The following PEPD variants were observed in gnomAD, a reference collection of about 807,000 sequenced individuals.
PEPD encodes peptidase D.
A neutral mutation model predicts 60.7 loss-of-function variants in PEPD; 53 were observed. That is an observed-to-expected ratio of 0.87 (90% CI 0.70 to 1.10). The LOEUF (loss-of-function observed/expected upper bound fraction) is 1.10, where lower values mean the gene tolerates loss of function less well. Ranked by LOEUF, PEPD falls within the 50% of genes least tolerant of loss-of-function variation. The pLI is 0.00. For synonymous variants in PEPD, 267 were observed against 284.1 expected, an observed-to-expected ratio of 0.94 and a Z score of 0.60; for missense variants, 711 against 711.9, an observed-to-expected ratio of 1.00 and a Z score of 0.01.
At chr19:33,418,567 A>G (rs1968940316) in intron 9 of PEPD, among the ~76,000 whole-genome samples, 1 of 152,100 alleles carries the variant, frequency 6.6e-6, no homozygotes. Flanking sequence ...GGGTCATCAG[A>G]AGGCACAGGC....
rs554357389 is a variant in PEPD, at chr19:33,435,550, C to G, written c.672-21907G>C. ...GGACAACAGCCCCTCCAGAACCAAC[C>G]CCCCTCGTTCGGTCCCAGCAGGGCC... On this transcript the variant is annotated intron_variant, in intron 9 of 14. Transcript: ENST00000244137. Among the ~76,000 whole-genome samples the G allele has an allele frequency of 2.0e-5, 3 of 152,322 alleles. No homozygotes were observed. The South Asian group carries it at 6.2e-4, about 32-fold the overall frequency.
At chr19:33,481,514 C>T (rs138612588) in intron 6 of PEPD, among the ~76,000 whole-genome samples, 1,529 of 151,896 alleles carry the variant, frequency 0.01, 20 homozygotes, top group African/African-American at 0.035. Context: ...TGCAGTGAGC[C>T]GAGATCGTGC....
chr19:33,512,386 T>C (rs1970943106), intron 2 of PEPD, among the ~76,000 whole-genome samples: 1 of 152,200 alleles, frequency 6.6e-6, no homozygotes, highest in South Asian at 2.1e-4. Context: ...ATGGCCAGGC[T>C]GGTTTCCTGC....
rs1600137265 is a variant in PEPD at position 33,464,130 on chromosome 19, G to C, written c.549-68C>G. ...GGAGGCACTGGCTGGACCCCTCCAG[G>C]GAGAGCTCAGGGCCTACCACACCCT... On this transcript the variant is annotated intron_variant, in intron 7 of 14. Transcript: ENST00000244137. 8.0e-6 allele frequency: 9 copies of C among 1,126,482 alleles called. No individual in the cohort carries two copies. In the East Asian group the frequency reaches 2.1e-4, roughly 27 times the overall value. The allele number at this position is 1,126,482 out of a possible 1,614,324, so 69.8% of individuals were successfully genotyped here.
chr19:33,431,341 AC>A (rs1359265432), intron 9 of PEPD, among the ~76,000 whole-genome samples: 1 of 152,110 alleles, frequency 6.6e-6, no homozygotes, highest in Non-Finnish European at 1.5e-5. Context: ...GGTTGAAATC[AC>A]CCAAAATCTG....
At chr19:33,413,758 C>G in intron 9 of PEPD, 115 bp from the exon 10 acceptor site, 3 of 689,162 alleles carry the variant, frequency 4.4e-6, no homozygotes, top group Non-Finnish European at 7.9e-6. Context: ...TGCCGTGGCC[C>G]CACAATGGTC....
At chr19:33,467,974 G>A (rs1323390518) in intron 7 of PEPD, among the ~76,000 whole-genome samples, 1 of 152,160 alleles carries the variant, frequency 6.6e-6, no homozygotes, top group Non-Finnish European at 1.5e-5. Context: ...CAGAGACCAT[G>A]GAGAGACGGA....
chr19:33,444,086 C>T (rs1969544183), intron 9 of PEPD, among the ~76,000 whole-genome samples: 1 of 152,192 alleles, frequency 6.6e-6, no homozygotes, highest in East Asian at 1.9e-4. Context: ...CGCACACATA[C>T]AAAGTGTGTC....
At chr19:33,521,681 G>A (rs1276333376) in intron 1 of PEPD, 63 bp downstream of exon 1, 3 of 1,527,812 alleles carry the variant, frequency 2.0e-6, no homozygotes, top group Admixed American at 3.8e-5. Flanking sequence ...CCCGCGGTCC[G>A]GCCGGGACAC....
chr19:33,517,966 A>G (rs1971055370), intron 1 of PEPD, among the ~76,000 whole-genome samples: 1 of 151,892 alleles, frequency 6.6e-6, no homozygotes, highest in South Asian at 2.1e-4. Flanking sequence ...AAAAAAAAAA[A>G]AAAATGAAAT....
intron 9 of PEPD, among the ~76,000 whole-genome samples, chr19:33,427,999 C>T (rs1969187012): frequency 6.6e-6 from 1 of 152,084 alleles, no homozygotes; most frequent in Non-Finnish European, 1.5e-5. Context: ...TGGCAAAGCA[C>T]TGGCTCTGGG....
At chr19:33,512,495 C>A in intron 2 of PEPD, 98 bp downstream of exon 2, 1 of 1,175,784 alleles carries the variant, frequency 8.5e-7, no homozygotes. Context: ...GGGAGGGCCA[C>A]AAGGGGCAGC....
chr19:33,408,818 T>C (rs975090585), intron 11 of PEPD, among the ~76,000 whole-genome samples: 6 of 152,226 alleles, frequency 3.9e-5, no homozygotes, highest in Non-Finnish European at 8.8e-5. Flanking sequence ...GACTGATTTA[T>C]TATTTACCGA....
intron 9 of PEPD, among the ~76,000 whole-genome samples, chr19:33,428,218 G>A (rs973171144): frequency 1.2e-4 from 18 of 152,226 alleles, no homozygotes; most frequent in African/African-American, 4.3e-4. Context: ...AGGGCTTGGA[G>A]GATGCAGAAG....
At chr19:33,514,377 C>T (rs1356085501) in intron 1 of PEPD, among the ~76,000 whole-genome samples, 2 of 152,000 alleles carry the variant, frequency 1.3e-5, no homozygotes, top group African/African-American at 4.8e-5. Flanking sequence ...CCCTCAGAGG[C>T]CCTGACCCTC....
intron 10 of PEPD, 124 bp from the exon 11 acceptor site, chr19:33,411,873 C>A (rs535031199): frequency 7.0e-6 from 5 of 715,926 alleles, no homozygotes; most frequent in Middle Eastern, 3.1e-4. Context: ...CAGGCCCAGG[C>A]GTGGCTGGAC....
At chr19:33,509,709 T>TAATC in intron 3 of PEPD, among the ~76,000 whole-genome samples, 1 of 152,330 alleles carries the variant, frequency 6.6e-6, no homozygotes, top group East Asian at 1.9e-4. Flanking sequence ...TAGCCCAGAA[T>TAATC]AATCACTCTC....
chr19:33,488,327 G>A (rs1970434827), intron 6 of PEPD, among the ~76,000 whole-genome samples: 1 of 152,144 alleles, frequency 6.6e-6, no homozygotes, highest in African/African-American at 2.4e-5. Context: ...CCCACCACAA[G>A]CCCAGGCAGC....
intron 4 of PEPD, among the ~76,000 whole-genome samples, chr19:33,494,046 C>T (rs1040312602): frequency 2.0e-5 from 3 of 152,116 alleles, no homozygotes; most frequent in Non-Finnish European, 2.9e-5. Context: ...TGGGCAGGTT[C>T]GTTCACTCCC....
Sources: gnomAD v4.1 joint callset for allele counts (sites outside exome capture counted in the v4.1 genomes callset) on GRCh38, gnomAD v4.1.1 for gene constraint, MANE v1.5 for transcripts, NCBI Gene and HGNC (gene_info 2026-07-23, HGNC 2026-07-21) for gene names.